ATP7A: variants seen among roughly 807,000 people sequenced by gnomAD.
The protein encoded by ATP7A is ATPase copper transporting alpha, also known as copper-transporting ATPase 1.
A neutral mutation model predicts 83.5 loss-of-function variants in ATP7A; 7 were observed. That is an observed-to-expected ratio of 0.08 (90% CI 0.05 to 0.16). The LOEUF is 0.16. ATP7A is among the 10% of genes least tolerant of loss of function. ATP7A has a pLI of 1.00. For synonymous variants in ATP7A, 354 were observed against 395.2 expected, an observed-to-expected ratio of 0.90 and a Z score of 1.24; for missense variants, 940 against 1,120.8, an observed-to-expected ratio of 0.84 and a Z score of 2.30.
rs2077652309 is a variant in ATP7A, at chrX:77,988,622, A to G, written c.501A>G (p.Gln167=). The change falls in exon 3 of 23, where the codon CAA becomes CAG. Residue 167 remains glutamine (Q), a synonymous_variant. Transcript: ENST00000341514. ...SGACEDHSMA[Q]AGEVVLKMKV... ...CTTGTGAAGATCATAGTATGGCTCAAGCTGGTGAAGTCGTGCTGAAGATGA... is the reference window on the plus strand; with the variant it reads ...CTTGTGAAGATCATAGTATGGCTCAGGCTGGTGAAGTCGTGCTGAAGATGA... The G allele has an allele frequency of 8.3e-7, 1 of 1,211,721 alleles. No individual in the cohort carries two copies. Among genetic ancestry groups the G allele is most frequent in the Non-Finnish European group, 1.1e-6 (1 of 895,446 alleles).
intron 17 of ATP7A, among the ~76,000 whole-genome samples, chrX:78,037,447 A>G (rs1321031419): frequency 2.7e-5 from 3 of 112,476 alleles, no homozygotes; most frequent in Non-Finnish European, 5.6e-5. Flanking sequence ...CATTTCTAAT[A>G]TCACAGAAAG....
At chrX:77,968,790 G>A in intron 1 of ATP7A, 1 of 1,146,869 alleles carries the variant, frequency 8.7e-7, no homozygotes, top group Non-Finnish European at 1.2e-6. Context: ...GATGTGGTCA[G>A]TGTGACATGT....
At chrX:77,990,863 A>T (rs1302530108) in intron 4 of ATP7A, among the ~76,000 whole-genome samples, 1 of 112,140 alleles carries the variant, frequency 8.9e-6, no homozygotes, top group African/African-American at 3.2e-5. Context: ...TTAGAATGAA[A>T]GATATCAAAT....
intron 1 of ATP7A, among the ~76,000 whole-genome samples, chrX:77,922,435 C>T (rs1009826798): frequency 1.8e-5 from 2 of 110,739 alleles, no homozygotes; most frequent in African/African-American, 6.6e-5. Flanking sequence ...CCTAGGAAGT[C>T]GAGGCCACAG....
At chrX:78,008,510 A>G (rs911044448) in intron 6 of ATP7A, among the ~76,000 whole-genome samples, 1 of 111,305 alleles carries the variant, frequency 9.0e-6, no homozygotes, top group Admixed American at 9.6e-5. Flanking sequence ...TAGTGATTAT[A>G]TACTTCAGCA....
intron 2 of ATP7A, among the ~76,000 whole-genome samples, chrX:77,976,960 C>T (rs1046219839): frequency 6.3e-5 from 7 of 111,103 alleles, no homozygotes; most frequent in African/African-American, 2.0e-4. Context: ...GGCAACATCC[C>T]CGAACAGGGA....
chrX:77,956,726 C>CCTTTCTTTCTTTCCTTCTTT (rs2077443165), intron 1 of ATP7A, among the ~76,000 whole-genome samples: 2 of 73,772 alleles, frequency 2.7e-5, no homozygotes, highest in African/African-American at 1.0e-4. Flanking sequence ...TACCCAGTCT[C>CCTTTCTTTCTTTCCTTCTTT]CTTTCTTTCT....
intron 1 of ATP7A, among the ~76,000 whole-genome samples, chrX:77,930,388 GC>G (rs1247434906): frequency 8.9e-6 from 1 of 111,778 alleles, no homozygotes; most frequent in African/African-American, 3.3e-5. Context: ...TGCGTGGTCA[GC>G]CCCTTCCCCA....
chrX:78,006,577 T>G (rs1165067842), intron 6 of ATP7A, among the ~76,000 whole-genome samples: 1 of 112,040 alleles, frequency 8.9e-6, no homozygotes, highest in African/African-American at 3.2e-5. Context: ...CACTACTATC[T>G]GATTTCAAAA....
chrX:78,021,101 G>T, intron 14 of ATP7A, 22 bp downstream of exon 14: 1 of 1,184,858 alleles, frequency 8.4e-7, no homozygotes. Context: ...GTAATAACTC[G>T]TTACTATATG....
At chrX:77,960,809 G>T (rs1301878250) in intron 1 of ATP7A, among the ~76,000 whole-genome samples, 1 of 111,635 alleles carries the variant, frequency 9.0e-6, no homozygotes, top group Non-Finnish European at 1.9e-5. Flanking sequence ...TGCCAAATTT[G>T]TCTCTTTGAT....
rs782729361 is a variant in ATP7A, at chrX:78,029,405, A to G, written c.3072A>G (p.Ile1024Met). The G allele has an allele frequency of 5.0e-6, 6 of 1,211,561 alleles. No individual in the cohort carries two copies. Among genetic ancestry groups the G allele is most frequent in the Non-Finnish European group, 6.7e-6 (6 of 895,426 alleles). Residue 1024 changes from isoleucine (I) to methionine (M), a missense_variant, in exon 15 of 23, where the codon ATA becomes ATG. Physicochemically the swap from Ile to Met is conservative, Grantham distance 10. Around this residue, in one of 3 missense-constraint regions of ATP7A, gnomAD observed 386 missense variants for 502.2 expected, o/e 0.77. Coordinates refer to ENST00000341514, the MANE Select transcript of ATP7A (RefSeq NM_000052.7). ...CAGGAGTAGGTGCTCAAAATGGCAT[A>G]CTAATAAAAGGTGGAGAGCCATTGG... ...VGTGVGAQNGILIKGGEPLEM... is the reference protein window; with the variant it reads ...VGTGVGAQNGMLIKGGEPLEM...
intron 14 of ATP7A, among the ~76,000 whole-genome samples, chrX:78,026,678 G>A (rs1557236374): frequency 2.7e-5 from 3 of 110,121 alleles, no homozygotes; most frequent in Non-Finnish European, 3.8e-5. Context: ...ATTGATCATC[G>A]GCTTGATCAT....
chrX:77,991,297 C>T (rs1450101343), intron 4 of ATP7A, among the ~76,000 whole-genome samples: 1 of 112,146 alleles, frequency 8.9e-6, no homozygotes, highest in Non-Finnish European at 1.9e-5. Context: ...CTAGGGACAT[C>T]ATTTAAGTGG....
intron 2 of ATP7A, among the ~76,000 whole-genome samples, chrX:77,973,655 T>C (rs1041006770): frequency 2.7e-5 from 3 of 112,320 alleles, no homozygotes; most frequent in Non-Finnish European, 3.8e-5. Context: ...TTTGTTGTTA[T>C]TGAATTTCTT....
chrX:78,008,956 C>T (rs782578334), intron 6 of ATP7A, 146 bp from the exon 7 acceptor site: 12 of 564,402 alleles, frequency 2.1e-5, no homozygotes, highest in Non-Finnish European at 3.1e-5. Flanking sequence ...GCGGAGGTTG[C>T]AGTGAGCCGA....
chrX:78,029,475 C>T (rs1158915439), intron 15 of ATP7A, 31 bp downstream of exon 15: 12 of 1,156,306 alleles, frequency 1.0e-5, no homozygotes, highest in Admixed American at 6.6e-5. Context: ...AAAACCTGTA[C>T]CACCAAACTA....
intron 10 of ATP7A, among the ~76,000 whole-genome samples, chrX:78,014,398 C>T (rs1480198623): frequency 3.6e-5 from 4 of 110,520 alleles, no homozygotes; most frequent in African/African-American, 1.3e-4. Flanking sequence ...GAGTGAGACT[C>T]TGTCTCAAAA....
chrX:77,952,886 G>A (rs1367967819), intron 1 of ATP7A, among the ~76,000 whole-genome samples: 3 of 107,169 alleles, frequency 2.8e-5, no homozygotes, highest in East Asian at 5.8e-4. Context: ...GGCTCAAGCC[G>A]TCCTCCCACC....
Sources: gnomAD v4.1 joint callset for allele counts (sites outside exome capture counted in the v4.1 genomes callset) on GRCh38, gnomAD v4.1.1 for gene constraint, gnomAD v4.1.1 regional missense constraint, MANE v1.5 for transcripts, NCBI Gene and HGNC (gene_info 2026-07-23, HGNC 2026-07-21) for gene names.